FBXW10: variants seen among roughly 807,000 people sequenced by gnomAD.
The protein encoded by FBXW10 is F-box and WD repeat domain containing 10.
A neutral mutation model predicts 113.1 loss-of-function variants in FBXW10; 68 were observed. The ratio of observed to expected loss-of-function variants is 0.60; its 90% confidence interval spans 0.49 to 0.74. FBXW10 has a LOEUF of 0.74. Ranked by LOEUF, FBXW10 falls within the 30% of genes least tolerant of loss-of-function variation. The probability of loss-of-function intolerance (pLI) is 0.00; values close to 1 mark genes in which losing one functional copy is unlikely to be tolerated. For missense variants in FBXW10, 753 were observed against 1,284.5 expected, an observed-to-expected ratio of 0.59 and a Z score of 6.32; for synonymous variants, 289 against 481.6, an observed-to-expected ratio of 0.60 and a Z score of 5.24.
At chr17:18,755,371 A>G (rs1333246375) in intron 5 of FBXW10, among the ~76,000 whole-genome samples, 1 of 152,062 alleles carries the variant, frequency 6.6e-6, no homozygotes, top group African/African-American at 2.4e-5. Flanking sequence ...CCTGGCTAAC[A>G]TGGTGAAACC....
intron 7 of FBXW10, among the ~76,000 whole-genome samples, chr17:18,762,350 G>A (rs9910881): frequency 0.86 from 123,666 of 143,574 alleles, 53,250 homozygotes; most frequent in Admixed American, 0.89. Flanking sequence ...ATGGAGTCTC[G>A]CTCTGTTGCC....
chr17:18,778,289 T>C (rs983274561), intron 13 of FBXW10, among the ~76,000 whole-genome samples, 186 bp from the exon 14 acceptor site: 2 of 152,108 alleles, frequency 1.3e-5, no homozygotes, highest in Non-Finnish European at 2.9e-5. Flanking sequence ...ATTTGTTTTA[T>C]TAAATTGTTT....
chr17:18,768,934 ATT>A (rs59007149), intron 10 of FBXW10, among the ~76,000 whole-genome samples: 7 of 114,378 alleles, frequency 6.1e-5, no homozygotes, highest in Admixed American at 1.1e-4. Flanking sequence ...GAAGTTATTG[ATT>A]TTTTTTTTTT....
rs1016038162 is a variant in FBXW10 at position 18,778,647 on chromosome 17, G to T, written c.2508G>T (p.Arg836Ser). Residue 836 changes from arginine to serine, a missense_variant, in exon 14 of 14, where the codon AGG becomes AGT. By Grantham distance (110) the Arg-to-Ser change is moderately radical. Transcript: ENST00000395665. ...HNSGEFAYPC[R>S]PQTEITDVWG... ...CCGGGGAATTTGCCTATCCCTGTAG[G>T]CCCCAAACAGAAATTACTGATGTCT... 1.9e-6 allele frequency: 3 copies of T among 1,613,686 alleles called. No homozygotes were observed. The African/African-American group carries it at 4.0e-5, about 22-fold the overall frequency.
rs2035125488 is a variant in FBXW10, at chr17:18,749,898, A to G, written c.847A>G (p.Ile283Val). Residue 283 changes from isoleucine to valine, a missense_variant, in exon 3 of 14, where the codon ATC becomes GTC. Transcript: ENST00000395665. ...KYRDFIRYLP[I>V]HLSKYILRML... Reference sequence around the variant, plus strand: ...CCGAGACTTCATCCGTTACCTGCCCATCCACCTCTCCAAGTACATTCTAAG... The same window carrying G: ...CCGAGACTTCATCCGTTACCTGCCCGTCCACCTCTCCAAGTACATTCTAAG... 6.2e-7 allele frequency: 1 copy of G among 1,613,854 alleles called. No individual in the cohort carries two copies. The highest frequency in any genetic ancestry group is 8.5e-7 in the Non-Finnish European group (1 of 1,179,918).
intron 5 of FBXW10, among the ~76,000 whole-genome samples, chr17:18,752,347 T>C (rs2035186381): frequency 6.6e-6 from 1 of 152,178 alleles, no homozygotes; most frequent in South Asian, 2.1e-4. Context: ...TGAGGTATTA[T>C]GTGAAATCTC....
intron 5 of FBXW10, 125 bp downstream of exon 5, chr17:18,751,178 G>T (rs1428065255): frequency 1.6e-6 from 2 of 1,285,788 alleles, no homozygotes; most frequent in East Asian, 2.4e-5. Context: ...CACTCCTTAA[G>T]GAAGACGAGA....
At chr17:18,763,174 T>A (rs1472849804) in intron 7 of FBXW10, among the ~76,000 whole-genome samples, 1 of 151,762 alleles carries the variant, frequency 6.6e-6, no homozygotes, top group Non-Finnish European at 1.5e-5. Flanking sequence ...TTTTTTTTTT[T>A]GAGACAGAGT....
chr17:18,764,339 C>T (rs1287282647), intron 7 of FBXW10, among the ~76,000 whole-genome samples: 1 of 151,566 alleles, frequency 6.6e-6, no homozygotes, highest in African/African-American at 2.4e-5. Context: ...GTAGCTGGGA[C>T]TACAGGTGCA....
At chr17:18,747,875 C>T (rs2035068527) in intron 1 of FBXW10, 66 bp from the exon 2 acceptor site, 2 of 1,610,614 alleles carry the variant, frequency 1.2e-6, no homozygotes, top group South Asian at 2.2e-5. Context: ...AAAAGTTTCT[C>T]TCCACCTCAT....
At chr17:18,776,748 G>C (rs67053020) in intron 13 of FBXW10, among the ~76,000 whole-genome samples, 71,054 of 151,986 alleles carry the variant, frequency 0.47, 16,847 homozygotes, top group Non-Finnish European at 0.5. Context: ...GCATTTTGTA[G>C]TTGCTTGTAT....
intron 9 of FBXW10, among the ~76,000 whole-genome samples, chr17:18,767,981 C>T (rs2035529494): frequency 6.6e-6 from 1 of 151,198 alleles, no homozygotes; most frequent in African/African-American, 2.4e-5. Context: ...ACTCCATTGG[C>T]CTTCTTTTTT....
chr17:18,775,045 C>T (rs2035677404), intron 12 of FBXW10, 91 bp from the exon 13 acceptor site: 2 of 792,566 alleles, frequency 2.5e-6, no homozygotes, highest in Admixed American at 2.3e-5. Context: ...AAAATCAGTC[C>T]AATTATCAGC....
intron 9 of FBXW10, among the ~76,000 whole-genome samples, chr17:18,767,677 G>C (rs879467705): frequency 1.3e-5 from 2 of 152,130 alleles, no homozygotes; most frequent in Non-Finnish European, 1.5e-5. Context: ...CAGGAACACA[G>C]GATCACAGTG....
Position 18,768,604 on chromosome 17 carries a change from C to T in FBXW10, c.1775C>T (p.Thr592Ile), listed in dbSNP as rs758854805. ...FDQWHLLSGS[T>I]DGLVMAWSMV... Reference sequence around the variant, plus strand: ...CAGTGGCATCTCCTCTCAGGAAGTACTGATGGCCTGGTCATGGCCTGGAGC... The same window carrying T: ...CAGTGGCATCTCCTCTCAGGAAGTATTGATGGCCTGGTCATGGCCTGGAGC... Residue 592 changes from threonine to isoleucine, a missense_variant, in exon 10 of 14, where the codon ACT (threonine) becomes ATT (isoleucine). Physicochemically the swap from Thr to Ile is moderately conservative, Grantham distance 89. Coordinates refer to ENST00000395665, the MANE Select transcript of FBXW10 (RefSeq NM_001267585.2). 4 of 1,613,942 alleles carry T rather than the reference C, an allele frequency of 2.5e-6. No homozygotes were observed. The highest frequency in any genetic ancestry group is 3.3e-4 in the Middle Eastern group (2 of 6,080).
At chr17:18,758,532 C>T (rs2035317411) in intron 7 of FBXW10, 27 bp downstream of exon 7, 3 of 1,613,016 alleles carry the variant, frequency 1.9e-6, no homozygotes, top group South Asian at 1.1e-5. Context: ...CATCATGATC[C>T]CTGTCCCACC....
At chr17:18,771,557 TAG>T (rs2035613570) in intron 11 of FBXW10, among the ~76,000 whole-genome samples, 2 of 152,236 alleles carry the variant, frequency 1.3e-5, no homozygotes, top group South Asian at 4.1e-4. Context: ...TGTCTACATC[TAG>T]AGTGTGTGCA....
Position 18,778,928 on chromosome 17 carries a change from G to T in FBXW10, c.2789G>T (p.Ser930Ile), listed in dbSNP as rs747684182. The T allele has an allele frequency of 3.1e-6, 5 of 1,612,894 alleles. No homozygotes were observed. Among genetic ancestry groups the T allele is most frequent in the Non-Finnish European group, 4.2e-6 (5 of 1,179,434 alleles). ...TTAAAGGGTGGAGACCAAGTGACCA[G>T]TTCAATTGAAAGGGCTGTGTGCAGT... Reference protein sequence around the residue: ...GSLKGGDQVTSSIERAVCSTG... With the variant: ...GSLKGGDQVTISIERAVCSTG... The change falls in exon 14 of 14, where the codon AGT (serine) becomes ATT (isoleucine). Residue 930 changes from serine to isoleucine, a missense_variant. Physicochemically the swap from Ser to Ile is moderately radical, Grantham distance 142 (BLOSUM62 -2). Transcript: ENST00000395665.
At chr17:18,752,558 C>T (rs2035189844) in intron 5 of FBXW10, among the ~76,000 whole-genome samples, 1 of 151,794 alleles carries the variant, frequency 6.6e-6, no homozygotes, top group Non-Finnish European at 1.5e-5. Flanking sequence ...ACTAAAAATA[C>T]AAAAAATTAG....
Sources: allele counts gnomAD v4.1 joint callset (sites outside exome capture counted in the v4.1 genomes callset), GRCh38; gene constraint gnomAD v4.1.1; transcripts MANE v1.5; gene names NCBI Gene and HGNC (gene_info 2026-07-23, HGNC 2026-07-21).